The following FHIP1A variants were observed in gnomAD, a reference collection of about 807,000 sequenced individuals.
FHIP1A encodes the protein FHF complex subunit HOOK-interacting protein 1A.
A neutral mutation model predicts 88.6 loss-of-function variants in FHIP1A; 61 were observed. That is an observed-to-expected ratio of 0.69 (90% CI 0.56 to 0.85). FHIP1A has a LOEUF of 0.85. Ranked by LOEUF, FHIP1A falls within the 40% of genes least tolerant of loss-of-function variation. FHIP1A has a pLI of 0.00. For synonymous variants in FHIP1A, 478 were observed against 496.0 expected, an observed-to-expected ratio of 0.96 and a Z score of 0.48; for missense variants, 1,154 against 1,273.5, an observed-to-expected ratio of 0.91 and a Z score of 1.43.
intron 3 of FHIP1A, among the ~76,000 whole-genome samples, chr4:151,536,517 AT>A (rs1353931277): frequency 6.6e-6 from 1 of 152,150 alleles, no homozygotes; most frequent in African/African-American, 2.4e-5. Context: ...CATTTCTAAA[AT>A]TTTATCGTTA....
At chr4:151,609,946 C>T in intron 7 of FHIP1A, among the ~76,000 whole-genome samples, 1 of 152,032 alleles carries the variant, frequency 6.6e-6, no homozygotes, top group South Asian at 2.1e-4. Flanking sequence ...AGTAAGTAAA[C>T]TTAAAATAGA....
At chr4:151,497,567 G>GAA in intron 3 of FHIP1A, among the ~76,000 whole-genome samples, 1 of 152,310 alleles carries the variant, frequency 6.6e-6, no homozygotes, top group African/African-American at 2.4e-5. Context: ...ACAACCAGGG[G>GAA]TGATTTTTGC....
At chr4:151,498,483 CTG>C (rs1252691106) in intron 3 of FHIP1A, among the ~76,000 whole-genome samples, 1 of 152,126 alleles carries the variant, frequency 6.6e-6, no homozygotes, top group Non-Finnish European at 1.5e-5. Context: ...GGTAGCTGTG[CTG>C]TGTTTGGCCC....
intron 4 of FHIP1A, among the ~76,000 whole-genome samples, chr4:151,575,269 G>A (rs72954810): frequency 0.034 from 5,169 of 152,282 alleles, 302 homozygotes; most frequent in African/African-American, 0.12. Context: ...TCTTCAGAAT[G>A]TGGAGGCTTG....
At chr4:151,444,743 C>T (rs909668522) in intron 1 of FHIP1A, among the ~76,000 whole-genome samples, 10 of 152,108 alleles carry the variant, frequency 6.6e-5, no homozygotes, top group East Asian at 5.8e-4. Context: ...GAGATTTATC[C>T]ATGTTTATTC....
chr4:151,449,755 C>T (rs1050492960), intron 1 of FHIP1A, among the ~76,000 whole-genome samples: 4 of 152,144 alleles, frequency 2.6e-5, no homozygotes, highest in Non-Finnish European at 5.9e-5. Context: ...TGCTTCTAAT[C>T]ATTCTTAACT....
chr4:151,587,565 G>A (rs544753664), intron 6 of FHIP1A, among the ~76,000 whole-genome samples: 21 of 148,912 alleles, frequency 1.4e-4, no homozygotes, highest in African/African-American at 1.5e-4. Context: ...TGTGCACAAC[G>A]TGCAGGTTTG....
chr4:151,531,131 G>A (rs970505031), intron 3 of FHIP1A, among the ~76,000 whole-genome samples: 1 of 151,978 alleles, frequency 6.6e-6, no homozygotes, highest in African/African-American at 2.4e-5. Flanking sequence ...TGCTTCTAAT[G>A]TATTTGGGAG....
At chr4:151,496,249 T>A (rs35588363) in intron 3 of FHIP1A, among the ~76,000 whole-genome samples, 21,619 of 148,484 alleles carry the variant, frequency 0.15, 1,840 homozygotes, top group African/African-American at 0.24. Flanking sequence ...ATATATATTT[T>A]TATATATATA....
chr4:151,608,147 C>T (rs371227502), intron 7 of FHIP1A, among the ~76,000 whole-genome samples: 18 of 142,116 alleles, frequency 1.3e-4, no homozygotes, highest in Admixed American at 9.0e-4. Flanking sequence ...CAGATTCAAG[C>T]GATTCTCCTG....
intron 7 of FHIP1A, among the ~76,000 whole-genome samples, chr4:151,609,239 C>G (rs1735201844): frequency 6.6e-6 from 1 of 152,150 alleles, no homozygotes; most frequent in South Asian, 2.1e-4. Context: ...TGCCTTGGTG[C>G]TATGGGCAGG....
chr4:151,647,295 C>G (rs1395681566), intron 10 of FHIP1A, among the ~76,000 whole-genome samples: 2 of 152,198 alleles, frequency 1.3e-5, no homozygotes, highest in South Asian at 2.1e-4. Context: ...TCACCTCATA[C>G]AAGCAAAACT....
chr4:151,483,383 A>G (rs1729968343), intron 3 of FHIP1A, among the ~76,000 whole-genome samples: 1 of 152,098 alleles, frequency 6.6e-6, no homozygotes, highest in Admixed American at 6.6e-5. Flanking sequence ...TAAAAATTTC[A>G]TATTAGTAGG....
chr4:151,531,536 C>T (rs1271923715), intron 3 of FHIP1A, among the ~76,000 whole-genome samples: 3 of 151,214 alleles, frequency 2.0e-5, no homozygotes, highest in Non-Finnish European at 2.9e-5. Flanking sequence ...ACCAGTCTGG[C>T]CGAATCTCTG....
rs1260724489 is a variant in FHIP1A at position 151,669,112 on chromosome 4, G to A, written c.*6358G>A. On this transcript the variant is annotated 3_prime_UTR_variant, in exon 14 of 14. Coordinates refer to ENST00000435205, the MANE Select transcript of FHIP1A (RefSeq NM_001109977.3). ...CCTTTATAAGCAGAGCCATCTTTGC[G>A]AATTTCTTGGGGTGTTAATGTAAAC... 3.3e-5 allele frequency among the ~76,000 whole-genome samples: 5 copies of A among 152,328 alleles called. No individual in the cohort carries two copies. Among genetic ancestry groups the A allele is most frequent in the Non-Finnish European group, 7.4e-5 (5 of 68,026 alleles).
At chr4:151,636,284 A>G (rs1019056220) in intron 8 of FHIP1A, among the ~76,000 whole-genome samples, 14 of 152,010 alleles carry the variant, frequency 9.2e-5, no homozygotes, top group Admixed American at 8.5e-4. Flanking sequence ...AATCTGATAA[A>G]GGGCATCTAT....
At chr4:151,599,893 T>C (rs1202712447) in intron 7 of FHIP1A, among the ~76,000 whole-genome samples, 1 of 152,138 alleles carries the variant, frequency 6.6e-6, no homozygotes, top group Non-Finnish European at 1.5e-5. Flanking sequence ...ATTCAGGAGT[T>C]CAAATGGACC....
intron 5 of FHIP1A, among the ~76,000 whole-genome samples, chr4:151,584,807 T>G (rs1478464391): frequency 1.3e-5 from 2 of 152,136 alleles, no homozygotes; most frequent in African/African-American, 4.8e-5. Context: ...CTTTTCTTTC[T>G]CCTTTGAGCT....
intron 3 of FHIP1A, among the ~76,000 whole-genome samples, chr4:151,528,823 A>G (rs1056482942): frequency 6.6e-6 from 1 of 152,204 alleles, no homozygotes; most frequent in Non-Finnish European, 1.5e-5. Context: ...AAGTGTTAGA[A>G]TAATATTTTC....
Sources: allele counts gnomAD v4.1 joint callset (sites outside exome capture counted in the v4.1 genomes callset), GRCh38; gene constraint gnomAD v4.1.1; transcripts MANE v1.5; gene names NCBI Gene and HGNC (gene_info 2026-07-23, HGNC 2026-07-21).